TEX10: variants seen among roughly 807,000 people sequenced by gnomAD.
TEX10 encodes testis-expressed protein 10.
In TEX10, 24 loss-of-function variants were observed where a neutral mutation model predicts 104.4. The ratio of observed to expected loss-of-function variants is 0.23; its 90% confidence interval spans 0.17 to 0.32. The LOEUF (loss-of-function observed/expected upper bound fraction) is 0.32, where lower values mean the gene tolerates loss of function less well. Ranked by LOEUF, TEX10 falls within the 10% of genes least tolerant of loss-of-function variation. The probability of loss-of-function intolerance (pLI) is 1.00; values close to 1 mark genes in which losing one functional copy is unlikely to be tolerated. For missense variants in TEX10, 921 were observed against 1,083.9 expected, an observed-to-expected ratio of 0.85 and a Z score of 2.11; for synonymous variants, 396 against 393.4, an observed-to-expected ratio of 1.01 and a Z score of -0.08.
At chr9:100,323,697 A>G (rs2118871201) in intron 9 of TEX10, among the ~76,000 whole-genome samples, 1 of 152,356 alleles carries the variant, frequency 6.6e-6, no homozygotes, top group East Asian at 1.9e-4. Flanking sequence ...TTTTTAACAC[A>G]TGGAATCCTT....
At chr9:100,303,391 TTTGA>T (rs1345008514) in intron 14 of TEX10, among the ~76,000 whole-genome samples, 1 of 151,672 alleles carries the variant, frequency 6.6e-6, no homozygotes, top group African/African-American at 2.4e-5. Context: ...CTTCATTGAG[TTTGA>T]TTATTTTAAG....
chr9:100,324,178 A>G (rs1272049447), intron 9 of TEX10, among the ~76,000 whole-genome samples: 1 of 151,982 alleles, frequency 6.6e-6, no homozygotes, highest in African/African-American at 2.4e-5. Context: ...GGTTACATGC[A>G]TGAGCCGCCA....
intron 8 of TEX10, 51 bp from the exon 9 acceptor site, chr9:100,326,530 C>G: frequency 6.5e-7 from 1 of 1,532,824 alleles, no homozygotes; most frequent in Non-Finnish European, 8.8e-7. Flanking sequence ...ACATGCAAAC[C>G]AGAGATTAAT....
At chr9:100,332,035 C>A (rs1389380864) in intron 5 of TEX10, among the ~76,000 whole-genome samples, 1 of 152,172 alleles carries the variant, frequency 6.6e-6, no homozygotes, top group African/African-American at 2.4e-5. Flanking sequence ...GAAATTAATT[C>A]TACGTTGGAT....
At chr9:100,311,000 G>A (rs1449068697) in intron 11 of TEX10, among the ~76,000 whole-genome samples, 12 of 152,110 alleles carry the variant, frequency 7.9e-5, no homozygotes, top group Admixed American at 7.9e-4. Flanking sequence ...AGACCACACA[G>A]TAAGTCCTCT....
rs1834185636 is a variant in TEX10 at position 100,308,121 on chromosome 9, T to C, written c.2465+379A>G. 2.6e-5 allele frequency among the ~76,000 whole-genome samples: 4 copies of C among 152,306 alleles called. No homozygotes were observed. In the South Asian group the frequency reaches 8.3e-4, roughly 32 times the overall value. Reference sequence around the variant, plus strand: ...AAATCCAAGATTTTAAAATTCCCACTCTGGCTAGCTCTAATGAAGCTCAAA... The same window carrying C: ...AAATCCAAGATTTTAAAATTCCCACCCTGGCTAGCTCTAATGAAGCTCAAA... On this transcript the variant is annotated intron_variant, in intron 13 of 14. Transcript: ENST00000374902.
rs144955657 is a variant in TEX10 at position 100,322,927 on chromosome 9, C to T, written c.1980-1156G>A. On this transcript the variant is annotated intron_variant, in intron 9 of 14. Transcript: ENST00000374902. ...CACTGCACCCAGCCTTATTAATATT[C>T]TTAAGGAGGGGACAGGCATAAAATA... Among the ~76,000 whole-genome samples, 1,292 of 152,128 alleles carry T rather than the reference C, an allele frequency of 8.5e-3. 7 individuals carry two copies. The highest frequency in any genetic ancestry group is 0.015 in the Non-Finnish European group (1,052 of 67,992).
Position 100,349,167 on chromosome 9 carries a change from C to T in TEX10, c.180+17G>A. 6.6e-7 allele frequency: 1 copy of T among 1,507,480 alleles called. No homozygotes were observed. Among genetic ancestry groups the T allele is most frequent in the Non-Finnish European group, 8.8e-7 (1 of 1,131,512 alleles). 93.4% of individuals were successfully genotyped at this position (1,507,480 alleles called of 1,614,324 possible). A position where few individuals can be genotyped will look rare whatever the true frequency, so the allele number is the denominator to read the frequency against. On this transcript the variant is annotated intron_variant, in intron 2 of 14. Transcript: ENST00000374902. The stretch of plus-strand genomic sequence containing the variant: ...CAAAGAAAATCTTATTTTGTCAAAA[C>T]ATGATTTATGATTTACCTTTATGTT...
At chr9:100,329,416 G>T in intron 6 of TEX10, 141 bp from the exon 7 acceptor site, 1 of 879,496 alleles carries the variant, frequency 1.1e-6, no homozygotes, top group Non-Finnish European at 1.7e-6. Context: ...TACCATTGAA[G>T]TCCTATAGCA....
intron 6 of TEX10, 73 bp downstream of exon 6, chr9:100,329,858 T>A: frequency 1.6e-6 from 2 of 1,287,308 alleles, no homozygotes; most frequent in Admixed American, 4.3e-5. Flanking sequence ...CAAGCCATCA[T>A]TTCAAAGCTA....
At chr9:100,346,583 T>C (rs1835303974) in intron 3 of TEX10, 111 bp downstream of exon 3, 3 of 1,175,288 alleles carry the variant, frequency 2.6e-6, no homozygotes, top group African/African-American at 1.5e-5. Flanking sequence ...TGAGTAACTA[T>C]ATGAAAACTA....
At chr9:100,308,256 A>T (rs895543468) in intron 13 of TEX10, among the ~76,000 whole-genome samples, 1 of 152,202 alleles carries the variant, frequency 6.6e-6, no homozygotes, top group African/African-American at 2.4e-5. Flanking sequence ...AAATTTTATA[A>T]TGCCATCTAA....
rs185792208 is a variant in TEX10 at position 100,325,414 on chromosome 9, T to C, written c.1979+888A>G. Among the ~76,000 whole-genome samples, 552 of 152,350 alleles carry C rather than the reference T, an allele frequency of 3.6e-3. 2 individuals carry two copies. The highest frequency in any genetic ancestry group is 5.2e-3 in the Non-Finnish European group (353 of 68,034). On this transcript the variant is annotated intron_variant, in intron 9 of 14. Coordinates refer to ENST00000374902, the MANE Select transcript of TEX10 (RefSeq NM_017746.4). ...AAATGGCATGTAGTGCTAGCTACTT[T>C]GGAGTCCAAGGAGGGAGGATCTCCT...
chr9:100,339,779 T>C (rs1835125773), intron 5 of TEX10, among the ~76,000 whole-genome samples: 1 of 152,154 alleles, frequency 6.6e-6, no homozygotes, highest in Non-Finnish European at 1.5e-5. Flanking sequence ...GCTTACTTTT[T>C]TTTTTTTAAC....
At chr9:100,339,366 A>ATATT (rs1835112758) in intron 5 of TEX10, among the ~76,000 whole-genome samples, 3 of 138,976 alleles carry the variant, frequency 2.2e-5, no homozygotes, top group African/African-American at 8.0e-5. Context: ...ATATATTTAT[A>ATATT]TATATTTATA....
intron 5 of TEX10, among the ~76,000 whole-genome samples, chr9:100,336,182 A>G (rs1470522192): frequency 6.6e-6 from 1 of 152,172 alleles, no homozygotes; most frequent in East Asian, 1.9e-4. Context: ...AAATGAATAA[A>G]TAAATAAACA....
chr9:100,312,889 A>AC (rs1834314360), intron 11 of TEX10, among the ~76,000 whole-genome samples: 1 of 152,196 alleles, frequency 6.6e-6, no homozygotes, highest in Non-Finnish European at 1.5e-5. Flanking sequence ...CATTGGCATG[A>AC]CCCTAGCATT....
intron 9 of TEX10, among the ~76,000 whole-genome samples, chr9:100,324,168 G>A (rs1204788438): frequency 6.6e-6 from 1 of 151,976 alleles, no homozygotes; most frequent in Admixed American, 6.6e-5. Context: ...GAGTAGCTGG[G>A]GTTACATGCA....
At chr9:100,335,141 A>G (rs1834974960) in intron 5 of TEX10, among the ~76,000 whole-genome samples, 1 of 152,306 alleles carries the variant, frequency 6.6e-6, no homozygotes. Flanking sequence ...TGCAGCAGAA[A>G]TGCTTTATGT....
Sources: gnomAD v4.1 joint callset for allele counts (sites outside exome capture counted in the v4.1 genomes callset) on GRCh38, gnomAD v4.1.1 for gene constraint, MANE v1.5 for transcripts, NCBI Gene and HGNC (gene_info 2026-07-23, HGNC 2026-07-21) for gene names.